The following KDM3B variants were observed in gnomAD, a reference collection of about 807,000 sequenced individuals.
KDM3B encodes lysine demethylase 3B.
Under a neutral mutation model 170.0 loss-of-function variants are expected in KDM3B, and 10 were observed. The ratio of observed to expected loss-of-function variants is 0.06; its 90% CI spans 0.04 to 0.10. KDM3B has a LOEUF of 0.10. Ranked by LOEUF, KDM3B falls within the 10% of genes least tolerant of loss-of-function variation. KDM3B has a pLI of 1.00. For synonymous variants in KDM3B, 831 were observed against 834.8 expected (o/e 1.00, Z 0.08); for missense variants, 1,394 against 2,195.2 (o/e 0.64, Z 7.29).
At chr5:138,379,541 A>G (rs779106082) in intron 4 of KDM3B, 43 bp from the exon 5 acceptor site, 1 of 1,561,098 alleles carries the variant, frequency 6.4e-7, no homozygotes, top group South Asian at 1.2e-5. Flanking sequence ...TATGAAATAT[A>G]GCTTAGCCAA....
At chr5:138,353,722 G>C (rs1761388019) in intron 1 of KDM3B, among the ~76,000 whole-genome samples, 1 of 152,172 alleles carries the variant, frequency 6.6e-6, no homozygotes. Context: ...CCAACCTTGG[G>C]AGAGGTTTTG....
At position 138,391,026 on chromosome 5, in the gene KDM3B, C is replaced by G; in HGVS notation, c.1394C>G (p.Ser465Cys). The change falls in exon 8 of 24, where the codon TCT becomes TGT. Residue 465 changes from serine to cysteine, a missense_variant. Physicochemically the swap from Ser to Cys is moderately radical, Grantham distance 112. Transcript: ENST00000314358. This position sits in a 1 kb window ranked among gnomAD's most constrained non-coding sequence, Gnocchi z 5.0. ...TCTTCCTTTCAGAATTCAAGAAATT[C>G]TATTCTGGCCTCTTCTGGATTTGGA... ...SQASGENSRN[S>C]ILASSGFGAP... 1 of 1,554,402 alleles carries G rather than the reference C, an allele frequency of 6.4e-7. No homozygotes were observed. The highest frequency in any genetic ancestry group is 8.7e-7 in the Non-Finnish European group (1 of 1,151,294).
chr5:138,412,076 C>G (rs1762984362), intron 11 of KDM3B, among the ~76,000 whole-genome samples: 1 of 151,272 alleles, frequency 6.6e-6, no homozygotes, highest in Non-Finnish European at 1.5e-5. Flanking sequence ...TGGCTCATGC[C>G]TGTAATCCCA....
At chr5:138,361,129 C>G (rs1761598204) in intron 1 of KDM3B, among the ~76,000 whole-genome samples, 1 of 152,184 alleles carries the variant, frequency 6.6e-6, no homozygotes, top group South Asian at 2.1e-4. Flanking sequence ...TTCCACAAGG[C>G]CTGGGGGATG....
intron 8 of KDM3B, among the ~76,000 whole-genome samples, 193 bp downstream of exon 8, chr5:138,392,454 TAGG>T (rs1246201063): frequency 6.6e-6 from 1 of 152,206 alleles, no homozygotes; most frequent in African/African-American, 2.4e-5. Context: ...ACCGGCACTG[TAGG>T]AGGAGTATCT....
chr5:138,375,069 A>G (rs745412825), intron 2 of KDM3B, 24 bp from the exon 3 acceptor site: 14 of 1,291,024 alleles, frequency 1.1e-5, no homozygotes, highest in African/African-American at 1.5e-5. Context: ...GTTCTAATCA[A>G]TTTCTTGTCA....
intron 7 of KDM3B, among the ~76,000 whole-genome samples, chr5:138,387,353 CT>C (rs374023829): frequency 3.9e-5 from 6 of 151,922 alleles, no homozygotes; most frequent in East Asian, 1.9e-4. Context: ...TGCTAGTCAT[CT>C]TTTTTTTCCC....
chr5:138,372,315 C>G (rs557296626), intron 1 of KDM3B, among the ~76,000 whole-genome samples: 1 of 152,266 alleles, frequency 6.6e-6, no homozygotes, highest in Admixed American at 6.5e-5. Flanking sequence ...ATGCCAGATT[C>G]CTTTCTGTAT....
intron 1 of KDM3B, among the ~76,000 whole-genome samples, chr5:138,361,490 A>G (rs1419028199): frequency 6.6e-6 from 1 of 152,202 alleles, no homozygotes; most frequent in Non-Finnish European, 1.5e-5. Flanking sequence ...AGATCTGCAT[A>G]GAGCCCCTTC....
Position 138,375,104 on chromosome 5 carries a change from C to T in KDM3B, c.372C>T (p.Pro124=). Residue 124 remains proline (P), a synonymous_variant, in exon 3 of 24, where the codon CCC becomes CCT. Transcript: ENST00000314358. ...IAQWPALTFT[P]LVDKLGLGSV... ...ATTGTACTTCACAGACTTTTACTCC[C>T]CTTGTAGATAAACTGGGTTTGGGTT... The T allele has an allele frequency of 6.2e-7, 1 of 1,602,254 alleles. No individual in the cohort carries two copies. Among genetic ancestry groups the T allele is most frequent in the Non-Finnish European group, 8.6e-7 (1 of 1,169,444 alleles).
chr5:138,385,307 C>G (rs908738283), intron 6 of KDM3B, among the ~76,000 whole-genome samples: 10 of 152,172 alleles, frequency 6.6e-5, no homozygotes, highest in African/African-American at 2.2e-4. Context: ...CAGGCATGAG[C>G]CAACACGCCA....
chr5:138,395,996 A>G (rs1284904340), intron 9 of KDM3B, among the ~76,000 whole-genome samples: 6 of 152,338 alleles, frequency 3.9e-5, no homozygotes, highest in African/African-American at 1.4e-4. Flanking sequence ...CTGATTTAGC[A>G]AGGTAGAATT....
intron 11 of KDM3B, among the ~76,000 whole-genome samples, chr5:138,412,723 G>A (rs779446856): frequency 6.6e-5 from 10 of 152,184 alleles, no homozygotes; most frequent in Admixed American, 1.3e-4. Flanking sequence ...TACCTGGGAG[G>A]CTGAGACAGA....
In KDM3B at chr5:138,377,812, G is replaced by A; in HGVS notation, c.567G>A (p.Glu189=). The A allele has an allele frequency of 6.2e-7, 1 of 1,612,776 alleles. No homozygotes were observed. The highest frequency in any genetic ancestry group is 8.5e-7 in the Non-Finnish European group (1 of 1,178,822). ...NALISDQKLQ[E]IFSRGPYSVQ... The stretch of plus-strand genomic sequence containing the variant: ...TGATCAGTGACCAAAAGCTACAAGA[G>A]ATATTCAGCCGAGGTAAGAACGGAT... Residue 189 remains glutamate (E), a synonymous_variant, in exon 4 of 24, where the codon GAG becomes GAA. Coordinates refer to ENST00000314358, the MANE Select transcript of KDM3B (RefSeq NM_016604.4).
At chr5:138,421,008 G>C in intron 15 of KDM3B, 46 bp downstream of exon 15, 1 of 1,603,820 alleles carries the variant, frequency 6.2e-7, no homozygotes, top group Non-Finnish European at 8.5e-7. Context: ...TTCCATGAAA[G>C]AACCATCAGA....
chr5:138,435,611 C>A lies in KDM3B; in HGVS notation c.5206-9C>A. 1 of 1,612,130 alleles carries A rather than the reference C, an allele frequency of 6.2e-7. No homozygotes were observed. Among genetic ancestry groups the A allele is most frequent in the Non-Finnish European group, 8.5e-7 (1 of 1,178,530 alleles). On this transcript the variant is annotated splice_polypyrimidine_tract_variant and intron_variant, in intron 23 of 23. Transcript: ENST00000314358. The stretch of plus-strand genomic sequence containing the variant: ...GCTGTGAACTGACTTTGCTGTACAC[C>A]TTCTCTAGGTGAAGAACATCATTTA...
chr5:138,380,985 C>T (rs1762113087), intron 5 of KDM3B, among the ~76,000 whole-genome samples: 1 of 152,090 alleles, frequency 6.6e-6, no homozygotes, highest in Admixed American at 6.6e-5. Flanking sequence ...AGCAATTCTC[C>T]TGCCTCAGCC....
intron 9 of KDM3B, 162 bp from the exon 10 acceptor site, chr5:138,398,016 G>A: frequency 1.7e-6 from 1 of 584,872 alleles, no homozygotes; most frequent in Non-Finnish European, 3.0e-6. Context: ...ATGTTAACAA[G>A]CTTTACTATT....
chr5:138,379,633 G>T lies in KDM3B; in HGVS notation c.630G>T (p.Gly210=), dbSNP rs762318740. ...GGGTCAAAATATATCAGCCAGAGGG[G>T]GAAGAAGGGTGGCTCTATGGTGTTG... ...GHRVKIYQPE[G]EEGWLYGVVS... Residue 210 remains glycine, a synonymous_variant, in exon 5 of 24, where the codon GGG becomes GGT. Transcript: ENST00000314358. 1.2e-6 allele frequency: 2 copies of T among 1,613,616 alleles called. No homozygotes were observed. Among genetic ancestry groups the T allele is most frequent in the South Asian group, 2.2e-5 (2 of 90,984 alleles).
Sources: gnomAD v4.1 joint callset for allele counts (sites outside exome capture counted in the v4.1 genomes callset) on GRCh38, gnomAD v4.1.1 for gene constraint, Gnocchi (gnomAD v3.1) non-coding constraint, MANE v1.5 for transcripts, NCBI Gene and HGNC (gene_info 2026-07-23, HGNC 2026-07-21) for gene names.